HCN1: variants seen among roughly 807,000 people sequenced by gnomAD.
The protein encoded by HCN1 is hyperpolarization activated cyclic nucleotide gated potassium channel 1.
In HCN1, 13 loss-of-function variants were observed where a neutral mutation model predicts 78.9. The ratio of observed to expected loss-of-function variants is 0.16; its 90% confidence interval spans 0.11 to 0.26. The LOEUF (loss-of-function observed/expected upper bound fraction) is 0.26, where lower values mean the gene tolerates loss of function less well. HCN1 is among the 10% of genes least tolerant of loss of function. The probability of loss-of-function intolerance (pLI) is 1.00; values close to 1 mark genes in which losing one functional copy is unlikely to be tolerated. For missense variants in HCN1, 810 were observed against 1,154.3 expected, an observed-to-expected ratio of 0.70 and a Z score of 4.32; for synonymous variants, 552 against 455.5, an observed-to-expected ratio of 1.21 and a Z score of -2.70.
chr5:45,311,328 T>G (rs1745848170), intron 5 of HCN1, among the ~76,000 whole-genome samples: 1 of 152,184 alleles, frequency 6.6e-6, no homozygotes. Flanking sequence ...TGGTTTTTAT[T>G]TTAAAAGATC....
At chr5:45,586,955 G>C (rs779580248) in intron 2 of HCN1, among the ~76,000 whole-genome samples, 10 of 152,098 alleles carry the variant, frequency 6.6e-5, no homozygotes, top group Non-Finnish European at 1.3e-4. Context: ...ACTAACCAAG[G>C]TTGGCTATAA....
intron 2 of HCN1, among the ~76,000 whole-genome samples, chr5:45,468,692 G>A (rs1561166462): frequency 1.3e-5 from 2 of 152,130 alleles, no homozygotes. Context: ...AATAATCAGA[G>A]ATAATGTATT....
chr5:45,350,340 ACT>A (rs1429922540), intron 5 of HCN1, among the ~76,000 whole-genome samples: 1 of 152,036 alleles, frequency 6.6e-6, no homozygotes, highest in Non-Finnish European at 1.5e-5. Flanking sequence ...CATGCTAAAA[ACT>A]CTCAATAAAT....
rs376255580 is a variant in HCN1 at position 45,539,401 on chromosome 5, G to A, written c.850-77394C>T. ...AATAAGGCCGGGTGTGGTGGCTCAC[G>A]CCTGTAATCCCAGCACTTTGGGAGG... On this transcript the variant is annotated intron_variant, in intron 2 of 7. Transcript: ENST00000303230. Among the ~76,000 whole-genome samples the A allele has an allele frequency of 6.6e-5, 10 of 151,248 alleles. No individual in the cohort carries two copies. The East Asian group carries it at 1.5e-3, about 23-fold the overall frequency.
intron 2 of HCN1, among the ~76,000 whole-genome samples, chr5:45,523,163 C>A (rs1193952080): frequency 6.6e-6 from 1 of 152,110 alleles, no homozygotes; most frequent in Non-Finnish European, 1.5e-5. Flanking sequence ...CCAATTTCAT[C>A]CATGTTCCTA....
intron 2 of HCN1, among the ~76,000 whole-genome samples, chr5:45,581,560 A>G (rs1317530219): frequency 6.6e-6 from 1 of 152,056 alleles, no homozygotes; most frequent in Non-Finnish European, 1.5e-5. Flanking sequence ...TTTGGTTGCT[A>G]TTGCTTTTGG....
At position 45,269,653 on chromosome 5, in the gene HCN1, G is replaced by T. The variant is rs191532134; in HGVS notation, c.1619-2400C>A. 2.3e-3 allele frequency among the ~76,000 whole-genome samples: 345 copies of T among 152,260 alleles called. 1 individual carries two copies. Among genetic ancestry groups the T allele is most frequent in the Non-Finnish European group, 3.6e-3 (245 of 68,014 alleles). On this transcript the variant is annotated intron_variant, in intron 6 of 7. Transcript: ENST00000303230. Reference sequence around the variant, plus strand: ...TAGGCCACTGACATCTCTCTTAACTGTCCTAGTTCTCCCTCTCATTCAATT... The same window carrying T: ...TAGGCCACTGACATCTCTCTTAACTTTCCTAGTTCTCCCTCTCATTCAATT...
rs556401920 is a variant in HCN1 at position 45,614,564 on chromosome 5, C to T, written c.849+30621G>A. On this transcript the variant is annotated intron_variant, in intron 2 of 7. Transcript: ENST00000303230. ...TTTAAAGTTACCTCAGGCTTTTTTG[C>T]TATTGATAAATCTTTCAAATATATT... Among the ~76,000 whole-genome samples, 9 of 152,068 alleles carry T rather than the reference C, an allele frequency of 5.9e-5. No individual in the cohort carries two copies. The South Asian group carries it at 1.5e-3, about 25-fold the overall frequency.
chr5:45,407,503 G>A (rs1158830829), intron 3 of HCN1, among the ~76,000 whole-genome samples: 1 of 151,938 alleles, frequency 6.6e-6, no homozygotes, highest in African/African-American at 2.4e-5. Flanking sequence ...TTCTTCAGGA[G>A]GCATCGCAGA....
rs1744732585 is a variant in HCN1 at position 45,261,366 on chromosome 5, AG to A, written c.*554del. The A allele has an allele frequency of 6.5e-6, 1 of 153,184 alleles. No homozygotes were observed. The highest frequency in any genetic ancestry group is 1.5e-5 in the Non-Finnish European group (1 of 68,606). 9.5% of individuals were successfully genotyped at this position (153,184 alleles called of 1,614,324 possible). A position where few individuals can be genotyped will look rare whatever the true frequency, so the allele number is the denominator to read the frequency against. ...GCTAGTCTCCTACGGTGGCCAAGCA[AG>A]TAGTGCATTCTTTAACCTAATTTGA... On this transcript the variant is annotated 3_prime_UTR_variant, in exon 8 of 8. Transcript: ENST00000303230.
intron 1 of HCN1, among the ~76,000 whole-genome samples, chr5:45,658,557 T>C (rs1228925582): frequency 1.3e-5 from 2 of 151,918 alleles, no homozygotes; most frequent in African/African-American, 4.8e-5. Context: ...TTCATCTCAC[T>C]AGGGAGTGCC....
intron 5 of HCN1, among the ~76,000 whole-genome samples, chr5:45,318,870 G>T (rs1165717544): frequency 6.6e-6 from 1 of 151,896 alleles, no homozygotes; most frequent in South Asian, 2.1e-4. Context: ...TCAACCCAGA[G>T]GTTCTAGCTA....
chr5:45,652,034 A>G (rs1745685696), intron 1 of HCN1, among the ~76,000 whole-genome samples: 1 of 152,000 alleles, frequency 6.6e-6, no homozygotes, highest in Admixed American at 6.6e-5. Context: ...AATTTATCCA[A>G]TGAGAATATG....
chr5:45,565,699 G>A (rs1024975084), intron 2 of HCN1, among the ~76,000 whole-genome samples: 1 of 152,030 alleles, frequency 6.6e-6, no homozygotes, highest in African/African-American at 2.4e-5. Context: ...TGTCACACGG[G>A]AGGCTGAGGT....
intron 2 of HCN1, among the ~76,000 whole-genome samples, chr5:45,554,772 T>C (rs933091888): frequency 6.6e-6 from 1 of 151,796 alleles, no homozygotes; most frequent in Non-Finnish European, 1.5e-5. Flanking sequence ...CAATTTGACC[T>C]TAAAATGTGG....
intron 2 of HCN1, among the ~76,000 whole-genome samples, chr5:45,533,068 G>A (rs1304521710): frequency 6.6e-6 from 1 of 152,124 alleles, no homozygotes; most frequent in Non-Finnish European, 1.5e-5. Flanking sequence ...CTAAGATTTC[G>A]AGCTCTGAGG....
In HCN1 at chr5:45,285,086, G is replaced by A. The variant is rs151158939; in HGVS notation, c.1619-17833C>T. Among the ~76,000 whole-genome samples, 58 of 152,146 alleles carry A rather than the reference G, an allele frequency of 3.8e-4. 1 individual carries two copies. The highest frequency in any genetic ancestry group is 1.3e-3 in the African/African-American group (56 of 41,562). Reference sequence around the variant, plus strand: ...GGAGAGATTCCAGATCATCAGAAATGAGTTTCCTGAGGTGAAGGAGCAGAA... The same window carrying A: ...GGAGAGATTCCAGATCATCAGAAATAAGTTTCCTGAGGTGAAGGAGCAGAA... On this transcript the variant is annotated intron_variant, in intron 6 of 7. Coordinates refer to ENST00000303230, the MANE Select transcript of HCN1 (RefSeq NM_021072.4).
chr5:45,309,356 A>G (rs1745802743), intron 5 of HCN1, among the ~76,000 whole-genome samples: 1 of 152,020 alleles, frequency 6.6e-6, no homozygotes, highest in Non-Finnish European at 1.5e-5. Context: ...GATGCCCTTT[A>G]TTTACTTCTC....
chr5:45,554,578 T>C (rs1269572115), intron 2 of HCN1, among the ~76,000 whole-genome samples: 3 of 151,716 alleles, frequency 2.0e-5, no homozygotes, highest in African/African-American at 7.2e-5. Context: ...GAAAACCTGG[T>C]TGAAACAACT....
Sources: gnomAD v4.1 joint callset for allele counts (sites outside exome capture counted in the v4.1 genomes callset) on GRCh38, gnomAD v4.1.1 for gene constraint, MANE v1.5 for transcripts, NCBI Gene and HGNC (gene_info 2026-07-23, HGNC 2026-07-21) for gene names.